Variants in MROH1 observed in about 807,000 individuals in gnomAD.
The protein encoded by MROH1 is maestro heat-like repeat-containing protein family member 1.
Under a neutral mutation model 116.5 loss-of-function variants are expected in MROH1, and 117 were observed. The observed-to-expected ratio is 1.00, with a 90% CI of 0.86 to 1.17. The LOEUF (loss-of-function observed/expected upper bound fraction) is 1.17. Among genes scored for constraint, MROH1 ranks in the 50% most tolerant of loss-of-function variants. The pLI is 0.00. For missense variants in MROH1, 1,873 were observed against 1,338.5 expected (o/e 1.40, Z -6.23); for synonymous variants, 921 against 583.9 (o/e 1.58, Z -8.32).
intron 4 of MROH1, 112 bp downstream of exon 4, chr8:144,168,552 G>C (rs1382854479): frequency 1.5e-6 from 2 of 1,327,018 alleles, no homozygotes; most frequent in African/African-American, 2.9e-5. Flanking sequence ...TGTTACGCAG[G>C]GGTGGCCACA....
intron 14 of MROH1, among the ~76,000 whole-genome samples, chr8:144,224,243 C>T (rs749190569): frequency 7.2e-5 from 11 of 152,166 alleles, no homozygotes; most frequent in Non-Finnish European, 1.5e-4. Flanking sequence ...TGGAATCTAA[C>T]ACTCAGATAT....
At chr8:144,181,256 G>C (rs1377692669) in intron 7 of MROH1, among the ~76,000 whole-genome samples, 1 of 27,546 alleles carries the variant, frequency 3.6e-5, no homozygotes, top group African/African-American at 1.7e-4. Flanking sequence ...GTTAGTTCCA[G>C]GCAGCAGGTG....
chr8:144,239,508 G>T, intron 17 of MROH1, 106 bp from the exon 18 acceptor site: 1 of 761,312 alleles, frequency 1.3e-6, no homozygotes. Context: ...GCCCAGCTTT[G>T]GGAAGAGCCA....
At chr8:144,208,091 A>G (rs770121167) in intron 12 of MROH1, among the ~76,000 whole-genome samples, 1 of 152,034 alleles carries the variant, frequency 6.6e-6, no homozygotes, top group Non-Finnish European at 1.5e-5. Flanking sequence ...GATTACAGGC[A>G]CATGCCATCA....
intron 4 of MROH1, among the ~76,000 whole-genome samples, chr8:144,169,539 C>T (rs1175766083): frequency 6.6e-6 from 1 of 151,362 alleles, no homozygotes; most frequent in African/African-American, 2.4e-5. Context: ...GCAACGTCCA[C>T]CTCCCGGGTT....
At chr8:144,168,077 G>A (rs1400398890) in intron 3 of MROH1, among the ~76,000 whole-genome samples, 1 of 152,146 alleles carries the variant, frequency 6.6e-6, no homozygotes, top group Non-Finnish European at 1.5e-5. Context: ...TGGAATGTGA[G>A]CCCTACAGCT....
chr8:144,179,470 C>T lies in MROH1; in HGVS notation c.184C>T (p.Arg62Ter), dbSNP rs529963175. ...RQHDKLAHPY[R>*]AAVLRAMERV... ...CTCTCCGCAGCTGGCACACCCATAC[C>T]GAGCAGCGGTCCTGAGGGCCATGGA... The change falls in exon 5 of 44, where the codon CGA becomes TGA. Residue 62 changes from arginine (R) to a stop codon, truncating the protein, a stop_gained. Transcript: ENST00000326134. LOFTEE classifies it high-confidence loss of function. 14 of 1,613,494 alleles carry T rather than the reference C, an allele frequency of 8.7e-6. No individual in the cohort carries two copies. The highest frequency in any genetic ancestry group is 1.7e-5 in the Admixed American group (1 of 60,012).
chr8:144,222,970 A>T, intron 13 of MROH1, 138 bp from the exon 14 acceptor site: 1 of 1,224,956 alleles, frequency 8.2e-7, no homozygotes, highest in Non-Finnish European at 1.1e-6. Flanking sequence ...GGGTGCAGGT[A>T]CAGGTGTCAG....
At chr8:144,228,322 A>G (rs913354251) in intron 14 of MROH1, among the ~76,000 whole-genome samples, 1 of 152,186 alleles carries the variant, frequency 6.6e-6, no homozygotes, top group African/African-American at 2.4e-5. Flanking sequence ...TTAACTTACA[A>G]ACACTTTATT....
At chr8:144,195,732 T>A (rs1472229029) in intron 10 of MROH1, among the ~76,000 whole-genome samples, 1 of 151,882 alleles carries the variant, frequency 6.6e-6, no homozygotes, top group East Asian at 2.0e-4. Context: ...TGAGACAGGG[T>A]CTCGCTTTGT....
intron 26 of MROH1, 89 bp downstream of exon 26, chr8:144,244,031 CATGTGCGTGTGTGT>C (rs1174090076): frequency 6.8e-6 from 5 of 733,512 alleles, no homozygotes; most frequent in Non-Finnish European, 1.3e-5. Flanking sequence ...TGCGCGTGTG[CATGTGCGTGTGTGT>C]GCCTGTGCTT....
chr8:144,232,980 C>T (rs938203796), intron 14 of MROH1, among the ~76,000 whole-genome samples: 40 of 152,036 alleles, frequency 2.6e-4, no homozygotes, highest in African/African-American at 9.7e-4. Context: ...GTGGGCACCA[C>T]CACACCTGGC....
chr8:144,259,273 C>A lies in MROH1; in HGVS notation c.3963C>A (p.Pro1321=). 1 of 714,900 alleles carries A rather than the reference C, an allele frequency of 1.4e-6. No individual in the cohort carries two copies. Among genetic ancestry groups the A allele is most frequent in the South Asian group, 1.5e-5 (1 of 67,508 alleles). 44.3% of individuals were successfully genotyped at this position (714,900 alleles called of 1,614,324 possible). A position where few individuals can be genotyped will look rare whatever the true frequency, so the allele number is the denominator to read the frequency against. Reference sequence around the variant, plus strand: ...CTGAGCACGCAGGGCCCCGACTCCCCCTGGTGCTGAAGACGCTGGCATGCA... The same window carrying A: ...CTGAGCACGCAGGGCCCCGACTCCCACTGGTGCTGAAGACGCTGGCATGCA... ...AMAEHAGPRL[P]LVLKTLACTH... Residue 1321 remains proline (P), a synonymous_variant, in exon 37 of 44, where the codon CCC becomes CCA. Coordinates refer to ENST00000326134, the MANE Select transcript of MROH1 (RefSeq NM_032450.3).
Position 144,168,300 on chromosome 8 carries a change from G to A in MROH1, c.28G>A (p.Ala10Thr), listed in dbSNP as rs776193850. Residue 10 changes from alanine to threonine, a missense_variant, in exon 4 of 44, where the codon GCC becomes ACC. Ala to Thr is a moderately conservative substitution (Grantham distance 58, BLOSUM62 0). Transcript: ENST00000326134. MTESSMKKLASTLLDAITDK... is the reference protein window; with the variant it reads MTESSMKKLTSTLLDAITDK... ...ACCAGGCTTTGTCGCTGCAGAGCTG[G>A]CCTCCACCCTGCTGGACGCCATCAC... 2.8e-5 allele frequency: 45 copies of A among 1,601,280 alleles called. No homozygotes were observed. The Admixed American group carries it at 4.6e-4, about 16-fold the overall frequency.
intron 4 of MROH1, among the ~76,000 whole-genome samples, chr8:144,177,350 G>C (rs1024424640): frequency 6.6e-6 from 1 of 152,202 alleles, no homozygotes; most frequent in African/African-American, 2.4e-5. Context: ...TGCATGCCAG[G>C]GCCAAGTGCG....
At chr8:144,196,711 A>T (rs940656033) in intron 10 of MROH1, among the ~76,000 whole-genome samples, 2 of 152,080 alleles carry the variant, frequency 1.3e-5, no homozygotes, top group Non-Finnish European at 2.9e-5. Context: ...AAGGAATGAG[A>T]ATCCAACTGT....
intron 19 of MROH1, 73 bp downstream of exon 19, chr8:144,240,226 G>C (rs891339414): frequency 1.5e-6 from 1 of 684,588 alleles, no homozygotes; most frequent in Non-Finnish European, 2.7e-6. Flanking sequence ...GGTGGCAGAG[G>C]CTGGGCCACC....
At position 144,167,084 on chromosome 8, in the gene MROH1, T is replaced by C. The variant is rs111502921; in HGVS notation, c.23-1211T>C. Reference sequence around the variant, plus strand: ...TTCCTCTGCCCCAGCAGGTGCCTCCTGGGATGTCCTCGTTGGCAGCCTGGG... The same window carrying C: ...TTCCTCTGCCCCAGCAGGTGCCTCCCGGGATGTCCTCGTTGGCAGCCTGGG... On this transcript the variant is annotated intron_variant, in intron 3 of 43. Coordinates refer to ENST00000326134, the MANE Select transcript of MROH1 (RefSeq NM_032450.3). 9.6e-3 allele frequency among the ~76,000 whole-genome samples: 1,462 copies of C among 152,318 alleles called. 20 individuals are homozygous for C. The highest frequency in any genetic ancestry group is 0.033 in the African/African-American group (1,358 of 41,574).
intron 33 of MROH1, chr8:144,250,970 C>G (rs910061651): frequency 5.6e-6 from 1 of 179,830 alleles, no homozygotes; most frequent in African/African-American, 2.4e-5. Flanking sequence ...TCTGCTGGCC[C>G]TTCCTTTCTT....
Sources: allele counts gnomAD v4.1 joint callset (sites outside exome capture counted in the v4.1 genomes callset), GRCh38; gene constraint gnomAD v4.1.1; transcripts MANE v1.5; gene names NCBI Gene and HGNC (gene_info 2026-07-23, HGNC 2026-07-21).